The following BAIAP2 variants were observed in gnomAD, a reference collection of about 807,000 sequenced individuals.
The protein encoded by BAIAP2 is BAR/IMD domain containing adaptor protein 2.
A neutral mutation model predicts 63.0 loss-of-function variants in BAIAP2; 18 were observed. That is an observed-to-expected ratio of 0.29 (90% CI 0.20 to 0.42). The LOEUF (loss-of-function observed/expected upper bound fraction) is 0.42, where lower values mean the gene tolerates loss of function less well. BAIAP2 is among the 10% of genes least tolerant of loss of function. BAIAP2 has a pLI of 1.00. For synonymous variants in BAIAP2, 386 were observed against 307.6 expected (o/e 1.25, Z -2.67); for missense variants, 610 against 734.3 (o/e 0.83, Z 1.96).
intron 1 of BAIAP2, 187 bp from the exon 2 acceptor site, chr17:81,053,481 C>A: frequency 1.6e-6 from 1 of 636,762 alleles, no homozygotes; most frequent in Non-Finnish European, 2.8e-6. Flanking sequence ...TCAGGAAGGT[C>A]ATTTTCCCAA....
chr17:81,110,097 G>A, intron 13 of BAIAP2: 1 of 985,362 alleles, frequency 1.0e-6, no homozygotes, highest in Non-Finnish European at 1.2e-6. Context: ...TGAGTGCAGG[G>A]CACAGCCCGG....
At chr17:81,070,183 T>A (rs1292003718) in intron 3 of BAIAP2, among the ~76,000 whole-genome samples, 1 of 152,184 alleles carries the variant, frequency 6.6e-6, no homozygotes, top group Non-Finnish European at 1.5e-5. Flanking sequence ...GGTCTCGAAC[T>A]CCTGGACTCA....
intron 3 of BAIAP2, among the ~76,000 whole-genome samples, chr17:81,074,706 G>C (rs1024035712): frequency 6.7e-6 from 1 of 150,330 alleles, no homozygotes; most frequent in East Asian, 2.0e-4. Context: ...ATGCACGGAT[G>C]CGTGTCTGTG....
chr17:81,057,538 G>A (rs1406271938), intron 2 of BAIAP2: 2 of 737,734 alleles, frequency 2.7e-6, no homozygotes, highest in Non-Finnish European at 3.4e-6. Context: ...TTGGTTCTTT[G>A]TCTCATGAAA....
intron 10 of BAIAP2, chr17:81,105,741 C>A: frequency 4.0e-6 from 1 of 253,102 alleles, no homozygotes. Flanking sequence ...TTCCAGTGGC[C>A]ACTCCAATCT....
At chr17:81,102,184 G>A (rs2058584107) in intron 7 of BAIAP2, among the ~76,000 whole-genome samples, 1 of 150,824 alleles carries the variant, frequency 6.6e-6, no homozygotes, top group Non-Finnish European at 1.5e-5. Flanking sequence ...CTGGGGGCCA[G>A]GGTGTGAGGG....
chr17:81,078,330 G>T (rs1410352104), intron 3 of BAIAP2, among the ~76,000 whole-genome samples: 6 of 148,036 alleles, frequency 4.1e-5, no homozygotes, highest in Non-Finnish European at 6.0e-5. Context: ...TATTGGGTGG[G>T]AGCCGGGCGC....
chr17:81,107,782 C>T (rs952831040), intron 12 of BAIAP2: 1 of 152,482 alleles, frequency 6.6e-6, no homozygotes, highest in African/African-American at 2.4e-5. Context: ...GTGAGGAGTC[C>T]CTAGATTGAC....
At chr17:81,063,112 G>A (rs987205458) in intron 3 of BAIAP2, among the ~76,000 whole-genome samples, 2 of 150,802 alleles carry the variant, frequency 1.3e-5, no homozygotes, top group Admixed American at 6.6e-5. Context: ...GGGGTTAAGA[G>A]GAGGGGTGAA....
chr17:81,091,746 G>A (rs1439972027), intron 6 of BAIAP2, among the ~76,000 whole-genome samples: 2 of 152,252 alleles, frequency 1.3e-5, no homozygotes, highest in African/African-American at 2.4e-5. Flanking sequence ...CCTGAAGCCA[G>A]TGTCCAGCCA....
At chr17:81,043,093 C>G (rs1053263356) in intron 1 of BAIAP2, among the ~76,000 whole-genome samples, 8 of 152,066 alleles carry the variant, frequency 5.3e-5, no homozygotes, top group African/African-American at 1.9e-4. Context: ...TCTTTAACAC[C>G]TGGGGTCAAA....
In BAIAP2 at chr17:81,057,828, G is replaced by A. The variant is rs1598565300; in HGVS notation, c.131-53G>A. 5 of 1,576,764 alleles carry A rather than the reference G, an allele frequency of 3.2e-6. No individual in the cohort carries two copies. The East Asian group carries it at 1.1e-4, about 36-fold the overall frequency. ...CAAGACTGCCGTGTTTTTGCTGGGG[G>A]TCTTGTCTGTCCCTCGTGGAGGAAA... On this transcript the variant is annotated intron_variant, in intron 2 of 13. Transcript: ENST00000428708.
chr17:81,084,168 C>G (rs1034262166), intron 3 of BAIAP2, among the ~76,000 whole-genome samples: 3 of 152,192 alleles, frequency 2.0e-5, no homozygotes, highest in African/African-American at 7.2e-5. Context: ...CCCCAGGGCC[C>G]TCAGCGATGG....
chr17:81,094,298 C>T (rs376210564), intron 6 of BAIAP2, among the ~76,000 whole-genome samples: 2 of 152,160 alleles, frequency 1.3e-5, no homozygotes, highest in Non-Finnish European at 2.9e-5. Context: ...CTCCTGTGCC[C>T]GTGGGCATGT....
At chr17:81,092,529 G>T (rs1353112612) in intron 6 of BAIAP2, among the ~76,000 whole-genome samples, 1 of 152,220 alleles carries the variant, frequency 6.6e-6, no homozygotes, top group Admixed American at 6.5e-5. Context: ...TGGGCCCGGG[G>T]GCCTCCTGTT....
At chr17:81,053,152 T>C (rs1287124584) in intron 1 of BAIAP2, among the ~76,000 whole-genome samples, 5 of 151,730 alleles carry the variant, frequency 3.3e-5, no homozygotes, top group African/African-American at 1.2e-4. Flanking sequence ...CCCAGAGCCG[T>C]TGGATTATTC....
At chr17:81,104,249 G>A (rs1213292226) in intron 9 of BAIAP2, 141 bp downstream of exon 9, 2 of 968,188 alleles carry the variant, frequency 2.1e-6, no homozygotes, top group East Asian at 2.6e-5. Context: ...CATGCATGTG[G>A]TACACACACG....
chr17:81,115,212 G>A (rs1374876189), intron 13 of BAIAP2, among the ~76,000 whole-genome samples: 3 of 152,248 alleles, frequency 2.0e-5, no homozygotes, highest in Non-Finnish European at 4.4e-5. Context: ...ACCACTGTCT[G>A]GCCCAGGGGA....
At chr17:81,094,318 A>C (rs1280105785) in intron 6 of BAIAP2, among the ~76,000 whole-genome samples, 1 of 152,094 alleles carries the variant, frequency 6.6e-6, no homozygotes, top group Non-Finnish European at 1.5e-5. Context: ...TGCTCACCAG[A>C]CTGTCCATCC....
Sources: gnomAD v4.1 joint callset for allele counts (sites outside exome capture counted in the v4.1 genomes callset) on GRCh38, gnomAD v4.1.1 for gene constraint, MANE v1.5 for transcripts, NCBI Gene and HGNC (gene_info 2026-07-23, HGNC 2026-07-21) for gene names.